Variants in DYNC1I1 observed in about 807,000 individuals in gnomAD.
DYNC1I1 encodes dynein cytoplasmic 1 intermediate chain 1.
DYNC1I1 carries 43 observed loss-of-function variants against 86.6 expected under a neutral mutation model. The ratio of observed to expected loss-of-function variants is 0.50; its 90% CI spans 0.39 to 0.64. DYNC1I1 has a LOEUF of 0.64. DYNC1I1 is among the 30% of genes least tolerant of loss of function. The probability of loss-of-function intolerance (pLI) is 0.00; values close to 1 mark genes in which losing one functional copy is unlikely to be tolerated. For missense variants in DYNC1I1, 604 were observed against 788.8 expected (o/e 0.77, Z 2.81); for synonymous variants, 262 against 283.7 (o/e 0.92, Z 0.77).
At chr7:95,909,245 G>GGGT (rs1791261953) in intron 6 of DYNC1I1, among the ~76,000 whole-genome samples, 1 of 20,186 alleles carries the variant, frequency 5.0e-5, no homozygotes, top group African/African-American at 1.7e-4. Context: ...GAGGGGGGTG[G>GGGT]GGGGGGGGGG....
At chr7:96,086,464 A>T (rs773534229) in intron 16 of DYNC1I1, among the ~76,000 whole-genome samples, 1 of 152,174 alleles carries the variant, frequency 6.6e-6, no homozygotes, top group South Asian at 2.1e-4. Context: ...AAACTTAAAA[A>T]CCATGGTTTG....
At chr7:95,853,625 A>G (rs1789638621) in intron 5 of DYNC1I1, among the ~76,000 whole-genome samples, 1 of 152,196 alleles carries the variant, frequency 6.6e-6, no homozygotes, top group Non-Finnish European at 1.5e-5. Context: ...AGAAGAATGT[A>G]TATCCTACAA....
At chr7:95,992,283 T>C (rs1346294815) in intron 9 of DYNC1I1, among the ~76,000 whole-genome samples, 1 of 152,148 alleles carries the variant, frequency 6.6e-6, no homozygotes, top group Non-Finnish European at 1.5e-5. Context: ...TAAGTTCCTA[T>C]AGAGAAGAGC....
At chr7:95,824,706 A>G (rs1401448681) in intron 4 of DYNC1I1, among the ~76,000 whole-genome samples, 1 of 152,194 alleles carries the variant, frequency 6.6e-6, no homozygotes, top group Non-Finnish European at 1.5e-5. Flanking sequence ...CTGCACCCTC[A>G]TTTGCTGGGA....
intron 5 of DYNC1I1, among the ~76,000 whole-genome samples, chr7:95,861,436 T>C (rs1789874653): frequency 6.6e-6 from 1 of 152,212 alleles, no homozygotes; most frequent in Admixed American, 6.5e-5. Context: ...TTCCAATATT[T>C]GTAATATGCA....
chr7:96,003,853 T>A (rs1268173665), intron 10 of DYNC1I1, among the ~76,000 whole-genome samples: 12 of 152,156 alleles, frequency 7.9e-5, no homozygotes, highest in Non-Finnish European at 1.3e-4. Context: ...ATCTATTTTT[T>A]AAAAATATAG....
intron 6 of DYNC1I1, among the ~76,000 whole-genome samples, chr7:95,971,546 C>A (rs1793171222): frequency 6.6e-6 from 1 of 152,094 alleles, no homozygotes; most frequent in Non-Finnish European, 1.5e-5. Context: ...CTCTCCAAGT[C>A]TATTCTCCAA....
intron 14 of DYNC1I1, among the ~76,000 whole-genome samples, chr7:96,066,572 C>G (rs1789997635): frequency 6.6e-6 from 1 of 152,110 alleles, no homozygotes; most frequent in African/African-American, 2.4e-5. Flanking sequence ...ACCTGGGTAC[C>G]TCCTTGTGAT....
intron 6 of DYNC1I1, among the ~76,000 whole-genome samples, chr7:95,919,520 G>A (rs1791557855): frequency 6.6e-6 from 1 of 152,080 alleles, no homozygotes; most frequent in African/African-American, 2.4e-5. Context: ...CAAAGTAAAA[G>A]AGAAAAAGTT....
At position 95,885,635 on chromosome 7, in the gene DYNC1I1, T is replaced by C. The variant is rs567276364; in HGVS notation, c.490+15637T>C. Among the ~76,000 whole-genome samples, 13 of 152,276 alleles carry C rather than the reference T, an allele frequency of 8.5e-5. 1 individual carries two copies. Among genetic ancestry groups the C allele is most frequent in the Admixed American group, 8.5e-4 (13 of 15,294 alleles). On this transcript the variant is annotated intron_variant, in intron 6 of 16. Coordinates refer to ENST00000447467, the MANE Select transcript of DYNC1I1 (RefSeq NM_001135556.2). ...CTGAGGAAACAGGTGCATGCCACCATGTCCAGCTAATTTTTTAATTTCTTA... is the reference window on the plus strand; with the variant it reads ...CTGAGGAAACAGGTGCATGCCACCACGTCCAGCTAATTTTTTAATTTCTTA...
intron 14 of DYNC1I1, among the ~76,000 whole-genome samples, chr7:96,064,208 ATATCTC>A (rs920632628): frequency 9.0e-5 from 11 of 122,894 alleles, no homozygotes; most frequent in African/African-American, 3.2e-4. Flanking sequence ...AGAAATATTC[ATATCTC>A]TCTCTCTCTC....
At chr7:95,986,583 C>T (rs1281078533) in intron 8 of DYNC1I1, among the ~76,000 whole-genome samples, 1 of 152,162 alleles carries the variant, frequency 6.6e-6, no homozygotes, top group South Asian at 2.1e-4. Flanking sequence ...AGTGAGGAGG[C>T]TACTGCTACA....
intron 5 of DYNC1I1, among the ~76,000 whole-genome samples, chr7:95,835,576 A>C (rs1789060353): frequency 6.6e-6 from 1 of 151,542 alleles, no homozygotes; most frequent in Non-Finnish European, 1.5e-5. Context: ...GTGGGGTGTT[A>C]AAGTCTCCCA....
At chr7:96,008,796 G>A (rs1048527982) in intron 10 of DYNC1I1, among the ~76,000 whole-genome samples, 1 of 152,116 alleles carries the variant, frequency 6.6e-6, no homozygotes, top group Non-Finnish European at 1.5e-5. Flanking sequence ...CTAAAGAGAA[G>A]GCTGGTTTTC....
intron 6 of DYNC1I1, among the ~76,000 whole-genome samples, chr7:95,915,759 AT>A (rs1307021856): frequency 6.6e-6 from 1 of 152,218 alleles, no homozygotes; most frequent in African/African-American, 2.4e-5. Context: ...TGGGCTATAC[AT>A]TTATACGATC....
intron 15 of DYNC1I1, among the ~76,000 whole-genome samples, chr7:96,077,311 T>G (rs901006755): frequency 4.0e-5 from 6 of 151,718 alleles, no homozygotes; most frequent in African/African-American, 1.5e-4. Flanking sequence ...CAGGTGTTAT[T>G]ATTAAGTCTT....
At chr7:96,056,864 C>G (rs1028329191) in intron 14 of DYNC1I1, among the ~76,000 whole-genome samples, 1 of 152,038 alleles carries the variant, frequency 6.6e-6, no homozygotes, top group Non-Finnish European at 1.5e-5. Flanking sequence ...TGAAGTTTAT[C>G]AGAGTGACCT....
intron 5 of DYNC1I1, among the ~76,000 whole-genome samples, chr7:95,844,521 A>C (rs1789374895): frequency 6.6e-6 from 1 of 152,228 alleles, no homozygotes; most frequent in Admixed American, 6.5e-5. Flanking sequence ...CATGGGAGAC[A>C]GAGTTACTAC....
intron 6 of DYNC1I1, among the ~76,000 whole-genome samples, chr7:95,953,871 A>G (rs1792627023): frequency 6.6e-6 from 1 of 152,220 alleles, no homozygotes; most frequent in African/African-American, 2.4e-5. Flanking sequence ...GCTGTCAGAA[A>G]TAAGTGCTTT....
Sources: allele counts gnomAD v4.1 joint callset (sites outside exome capture counted in the v4.1 genomes callset), GRCh38; gene constraint gnomAD v4.1.1; transcripts MANE v1.5; gene names NCBI Gene and HGNC (gene_info 2026-07-23, HGNC 2026-07-21).